The following PRDM16 variants were observed in gnomAD, a reference collection of about 807,000 sequenced individuals.
The protein encoded by PRDM16 is histone-lysine N-methyltransferase PRDM16.
Under a neutral mutation model 110.6 loss-of-function variants are expected in PRDM16, and 23 were observed. The ratio of observed to expected loss-of-function variants is 0.21; its 90% CI spans 0.15 to 0.29. The LOEUF (loss-of-function observed/expected upper bound fraction) is 0.29. PRDM16 is among the 10% of genes least tolerant of loss of function. The pLI is 1.00. For synonymous variants in PRDM16, 799 were observed against 781.8 expected (o/e 1.02, Z -0.37); for missense variants, 1,615 against 1,794.3 (o/e 0.90, Z 1.81).
chr1:3,179,439 C>T (rs938306349), intron 1 of PRDM16, among the ~76,000 whole-genome samples: 1 of 152,336 alleles, frequency 6.6e-6, no homozygotes, highest in Middle Eastern at 3.4e-3. Context: ...GGGCAGCTCC[C>T]CTGAGGGAGG....
chr1:3,412,910 C>T (rs1239734994), intron 9 of PRDM16, 110 bp downstream of exon 9: 8 of 933,444 alleles, frequency 8.6e-6, no homozygotes, highest in East Asian at 3.1e-5. Flanking sequence ...GGTCGTCCCC[C>T]GGCCTTTGCT....
intron 3 of PRDM16, among the ~76,000 whole-genome samples, chr1:3,292,734 G>A (rs748009093): frequency 7.2e-5 from 11 of 152,238 alleles, no homozygotes; most frequent in Admixed American, 2.0e-4. Flanking sequence ...CAGGGGTCAC[G>A]GAATTGGCGC....
intron 1 of PRDM16, among the ~76,000 whole-genome samples, chr1:3,117,502 G>A (rs759671357): frequency 2.6e-5 from 4 of 152,198 alleles, no homozygotes; most frequent in African/African-American, 4.8e-5. Flanking sequence ...TGGGGGCATC[G>A]CCATGCCACC....
At chr1:3,240,635 G>A (rs754930810) in intron 2 of PRDM16, among the ~76,000 whole-genome samples, 1 of 152,170 alleles carries the variant, frequency 6.6e-6, no homozygotes, top group African/African-American at 2.4e-5. Flanking sequence ...TAGGTTCTCA[G>A]ATACTTTAAT....
intron 3 of PRDM16, among the ~76,000 whole-genome samples, chr1:3,342,403 C>T (rs1172363518): frequency 1.3e-5 from 2 of 152,248 alleles, no homozygotes; most frequent in African/African-American, 2.4e-5. Context: ...CACCTCTCTG[C>T]CTGCAGGCAA....
At chr1:3,398,278 A>T (rs1420729312) in intron 5 of PRDM16, among the ~76,000 whole-genome samples, 1 of 152,102 alleles carries the variant, frequency 6.6e-6, no homozygotes, top group African/African-American at 2.4e-5. Flanking sequence ...ATATTAAATA[A>T]CCTGGGTCTA....
chr1:3,283,928 C>T lies in PRDM16; in HGVS notation c.438+39791C>T, dbSNP rs144200629. Among the ~76,000 whole-genome samples the T allele has an allele frequency of 3.7e-3, 567 of 152,346 alleles. 5 individuals are homozygous for T. Among genetic ancestry groups the T allele is most frequent in the African/African-American group, 0.013 (539 of 41,588 alleles). On this transcript the variant is annotated intron_variant, in intron 3 of 16. Transcript: ENST00000270722. ...CCGCGGGAGGAATGTGGCTCAGATTCGGGGGACCGGTGCGCGGTGTGTCCA... is the reference window on the plus strand; with the variant it reads ...CCGCGGGAGGAATGTGGCTCAGATTTGGGGGACCGGTGCGCGGTGTGTCCA...
At chr1:3,210,481 T>C (rs555611791) in intron 2 of PRDM16, among the ~76,000 whole-genome samples, 22 of 152,364 alleles carry the variant, frequency 1.4e-4, no homozygotes, top group Admixed American at 1.2e-3. Flanking sequence ...CATGGAAGTG[T>C]GTGCGTGCAC....
intron 3 of PRDM16, among the ~76,000 whole-genome samples, chr1:3,367,316 C>T (rs1396416197): frequency 3.3e-5 from 5 of 152,052 alleles, no homozygotes; most frequent in African/African-American, 7.2e-5. Context: ...TTAGTGTTTG[C>T]GGCTCAAGAA....
intron 3 of PRDM16, among the ~76,000 whole-genome samples, chr1:3,354,733 G>A (rs1557628920): frequency 2.6e-5 from 4 of 152,118 alleles, no homozygotes; most frequent in South Asian, 2.1e-4. Context: ...CCAAGGCTAC[G>A]ACAGAGCAGG....
intron 2 of PRDM16, among the ~76,000 whole-genome samples, chr1:3,211,312 C>A (rs79691189): frequency 6.6e-6 from 1 of 152,148 alleles, no homozygotes; most frequent in Non-Finnish European, 1.5e-5. Flanking sequence ...CTAAGTAGAC[C>A]GATTGAAAAT....
chr1:3,132,577 A>G (rs1289912008), intron 1 of PRDM16, among the ~76,000 whole-genome samples: 1 of 151,976 alleles, frequency 6.6e-6, no homozygotes, highest in Admixed American at 6.6e-5. Flanking sequence ...ACCCCCCATT[A>G]CCTTCCTTCC....
chr1:3,094,388 G>A (rs1343924081), intron 1 of PRDM16, among the ~76,000 whole-genome samples: 2 of 152,218 alleles, frequency 1.3e-5, no homozygotes, highest in African/African-American at 2.4e-5. Flanking sequence ...CTGCAGAGAC[G>A]TGGGCTCCCA....
chr1:3,163,618 G>A (rs1028893878), intron 1 of PRDM16, among the ~76,000 whole-genome samples: 1 of 152,186 alleles, frequency 6.6e-6, no homozygotes, highest in African/African-American at 2.4e-5. Context: ...CAGAAGTCTG[G>A]GATCAGCTGT....
At position 3,234,547 on chromosome 1, in the gene PRDM16, G is replaced by A. The variant is rs543729260; in HGVS notation, c.388-9540G>A. Among the ~76,000 whole-genome samples, 120 of 152,250 alleles carry A rather than the reference G, an allele frequency of 7.9e-4. No homozygotes were observed. The Middle Eastern group carries it at 0.014, about 17-fold the overall frequency. ...CAGCAAGAGGCCCTGAGCCTGTCAG[G>A]GTGGCCAGGGCAGCTTCCCTAAGCC... On this transcript the variant is annotated intron_variant, in intron 2 of 16. Coordinates refer to ENST00000270722, the MANE Select transcript of PRDM16 (RefSeq NM_022114.4).
chr1:3,254,482 G>T (rs1484783296), intron 3 of PRDM16, among the ~76,000 whole-genome samples: 2 of 152,110 alleles, frequency 1.3e-5, no homozygotes, highest in African/African-American at 4.8e-5. Flanking sequence ...CAAAATCAAT[G>T]TACAAAAATC....
intron 1 of PRDM16, among the ~76,000 whole-genome samples, chr1:3,088,827 GC>G (rs1557437425): frequency 4.9e-4 from 74 of 149,666 alleles, no homozygotes; most frequent in African/African-American, 1.8e-3. Context: ...TCACTCTGTC[GC>G]CCAGGCTGGA....
In PRDM16 at chr1:3,412,095, C is replaced by T. The variant is rs2493292; in HGVS notation, c.1898C>T (p.Pro633Leu). Residue 633 changes from proline to leucine, a missense_variant, in exon 9 of 17, where the codon CCT becomes CTT. By Grantham distance (98) the Pro-to-Leu change is moderately conservative. This residue lies in a region of PRDM16 where 772 missense variants were observed against 748.3 expected (regional missense o/e 1.03). Transcript: ENST00000270722. ...CTGGACAGCGACGTGGACAGCGACC[C>T]TGACAAGGACAAGGGCAAGGGCAAG... ...SDLDSDVDSD[P>L]DKDKGKGKSA... 0.14 allele frequency: 214,871 copies of T among 1,586,060 alleles called. 15,641 individuals carry two copies. The highest frequency in any genetic ancestry group is 0.24 in the Middle Eastern group (1,441 of 5,906).
At chr1:3,198,446 G>A (rs771470057) in intron 2 of PRDM16, among the ~76,000 whole-genome samples, 1 of 152,198 alleles carries the variant, frequency 6.6e-6, no homozygotes, top group Non-Finnish European at 1.5e-5. Context: ...CCAGGATGCC[G>A]TGAGTGTGTC....
Sources: allele counts gnomAD v4.1 joint callset (sites outside exome capture counted in the v4.1 genomes callset), GRCh38; gene constraint gnomAD v4.1.1; regional missense constraint gnomAD v4.1.1; transcripts MANE v1.5; gene names NCBI Gene and HGNC (gene_info 2026-07-23, HGNC 2026-07-21).